Variants in DIPK1C observed in about 807,000 individuals in gnomAD.
The protein encoded by DIPK1C is familial non-conventional Alzheimer's dementia.
In DIPK1C, 33 loss-of-function variants were observed where a neutral mutation model predicts 28.0. That is an observed-to-expected ratio of 1.18 (90% CI 0.89 to 1.58). The LOEUF is 1.58. DIPK1C is among the 40% of genes most tolerant of loss of function. The probability of loss-of-function intolerance (pLI) is 0.00; values close to 1 mark genes in which losing one functional copy is unlikely to be tolerated. For missense variants in DIPK1C, 569 were observed against 568.5 expected (o/e 1.00, Z -0.01); for synonymous variants, 255 against 248.8 (o/e 1.02, Z -0.23).
At chr18:74,459,434 T>C (rs1986583741), upstream of DIPK1C, among the ~76,000 whole-genome samples, 1 of 152,236 alleles carries the variant, frequency 6.6e-6, no homozygotes, top group South Asian at 2.1e-4. Flanking sequence ...CAGCACTGTT[T>C]TAACACGGAA....
rs1006068675 is a variant in DIPK1C at position 74,435,313 on chromosome 18, A to C, written c.*1188T>G. 1 of 152,230 alleles carries C rather than the reference A, an allele frequency of 6.6e-6. No individual in the cohort carries two copies. Among genetic ancestry groups the C allele is most frequent in the Non-Finnish European group, 1.5e-5 (1 of 68,050 alleles). The allele number at this position is 152,230 out of a possible 1,614,324, so 9.4% of individuals were successfully genotyped here. Reference sequence around the variant, plus strand: ...GGTTTGTTGAGCACTCGTGGGTCACAGTTATGGGTAGAAACCAGGTCCCTT... The same window carrying C: ...GGTTTGTTGAGCACTCGTGGGTCACCGTTATGGGTAGAAACCAGGTCCCTT... On this transcript the variant is annotated 3_prime_UTR_variant, in exon 4 of 4. Coordinates refer to ENST00000343998, the MANE Select transcript of DIPK1C (RefSeq NM_001044369.3).
intron 3 of DIPK1C, among the ~76,000 whole-genome samples, chr18:74,439,552 A>G (rs781305610): frequency 6.6e-6 from 1 of 152,244 alleles, no homozygotes; most frequent in Non-Finnish European, 1.5e-5. Flanking sequence ...GTGGTAGCTC[A>G]AGCCTGTAAT....
In DIPK1C at chr18:74,447,617, G is replaced by A. The variant is rs777805884; in HGVS notation, c.199-334C>T. On this transcript the variant is annotated intron_variant, in intron 1 of 3. Coordinates refer to ENST00000343998, the MANE Select transcript of DIPK1C (RefSeq NM_001044369.3). This position sits in a 1 kb window ranked among gnomAD's most constrained non-coding sequence, Gnocchi z 4.1. The stretch of plus-strand genomic sequence containing the variant: ...GAGGCCAGGAAACCAACAGGTGAAG[G>A]GGCTGGACCAGGCCAGTAGCTCTCG... 1.4e-4 allele frequency among the ~76,000 whole-genome samples: 21 copies of A among 152,154 alleles called. No individual in the cohort carries two copies. The highest frequency in any genetic ancestry group is 2.4e-4 in the Non-Finnish European group (16 of 68,024).
chr18:74,457,281 G>GGCCCCACCGCCGCCCGC lies in DIPK1C; in HGVS notation c.-39_-23dup. ...CCATGGCCAGCCCTGCCCGCGCCCG[G>GGCCCCACCGCCGCCCGC]GCCCCACCGCCGCCCGCGCCCCGAG... On this transcript the variant is annotated 5_prime_UTR_variant, in exon 1 of 4. Transcript: ENST00000343998. 2 of 984,386 alleles carry GGCCCCACCGCCGCCCGC rather than the reference G, an allele frequency of 2.0e-6. No individual in the cohort carries two copies. Among genetic ancestry groups the GGCCCCACCGCCGCCCGC allele is most frequent in the Non-Finnish European group, 2.4e-6 (2 of 829,834 alleles). The allele number at this position is 984,386 out of a possible 1,614,324, so 61.0% of individuals were successfully genotyped here. A position where few individuals can be genotyped will look rare whatever the true frequency, so the allele number is the denominator to read the frequency against.
At chr18:74,451,789 C>T (rs1986403070) in intron 1 of DIPK1C, among the ~76,000 whole-genome samples, 1 of 152,182 alleles carries the variant, frequency 6.6e-6, no homozygotes, top group Admixed American at 6.5e-5. Flanking sequence ...CAGGTAAGGT[C>T]TTGGGTTTAT....
chr18:74,463,938 C>T, the DIPK1C span, among the ~76,000 whole-genome samples: 1 of 152,148 alleles, frequency 6.6e-6, no homozygotes, highest in African/African-American at 2.4e-5. Context: ...ATGTTCACAT[C>T]CAAAAAGCTA....
chr18:74,460,435 T>C (rs1006514041), upstream of DIPK1C, among the ~76,000 whole-genome samples: 2 of 152,264 alleles, frequency 1.3e-5, no homozygotes, highest in African/African-American at 4.8e-5. Context: ...AAAAGTGGTA[T>C]GAAAATGTTG....
rs767581441 is a variant in DIPK1C at position 74,446,915 on chromosome 18, G to A, written c.567C>T (p.Ala189=). 4.6e-5 allele frequency: 69 copies of A among 1,506,724 alleles called. No individual in the cohort carries two copies. In the African/African-American group the frequency reaches 8.8e-4, roughly 19 times the overall value. 93.3% of individuals were successfully genotyped at this position (1,506,724 alleles called of 1,614,324 possible). A position where few individuals can be genotyped will look rare whatever the true frequency, so the allele number is the denominator to read the frequency against. Residue 189 remains alanine, a synonymous_variant, in exon 2 of 4, where the codon GCC becomes GCT. Transcript: ENST00000343998. ...AGACGTACTCCTCCTGCTGCAGCAG[G>A]GCCCACAGGCTGGCCAGCTGTCCCC... ...RWRGQLASLW[A]LLQQEEYVYF...
upstream of DIPK1C, among the ~76,000 whole-genome samples, chr18:74,460,713 G>A (rs777309278): frequency 5.3e-5 from 8 of 152,128 alleles, no homozygotes; most frequent in Non-Finnish European, 1.2e-4. Flanking sequence ...TTATTGCTTC[G>A]TCTGCTGTGA....
upstream of DIPK1C, among the ~76,000 whole-genome samples, chr18:74,458,369 G>A (rs570094336): frequency 6.6e-6 from 1 of 152,144 alleles, no homozygotes; most frequent in African/African-American, 2.4e-5. Flanking sequence ...CACATGACCC[G>A]TTCCCGAGTT....
At chr18:74,456,512 G>C (rs1034707125) in intron 1 of DIPK1C, among the ~76,000 whole-genome samples, 2 of 152,222 alleles carry the variant, frequency 1.3e-5, no homozygotes, top group African/African-American at 2.4e-5. Flanking sequence ...CGACCGCGGA[G>C]AGCCTGGGCT....
intron 3 of DIPK1C, among the ~76,000 whole-genome samples, chr18:74,440,666 C>T (rs1032501087): frequency 8.5e-5 from 13 of 152,164 alleles, no homozygotes; most frequent in African/African-American, 3.1e-4. Context: ...TCCTCTTGCC[C>T]CTTAATGAAT....
At chr18:74,439,423 G>A (rs1295342621) in intron 3 of DIPK1C, among the ~76,000 whole-genome samples, 1 of 152,064 alleles carries the variant, frequency 6.6e-6, no homozygotes, top group South Asian at 2.1e-4. Context: ...CTAAATACCC[G>A]TATTTCATTA....
intron 3 of DIPK1C, among the ~76,000 whole-genome samples, chr18:74,437,190 G>T (rs1233023548): frequency 6.6e-6 from 1 of 152,150 alleles, no homozygotes; most frequent in Admixed American, 6.5e-5. Flanking sequence ...CATCTGACCG[G>T]GCTGTCCAGA....
chr18:74,457,579 C>T (rs1288266424), upstream of DIPK1C, among the ~76,000 whole-genome samples: 1 of 152,152 alleles, frequency 6.6e-6, no homozygotes, highest in Non-Finnish European at 1.5e-5. Context: ...GATTCAATCG[C>T]CTCTCTCTTT....
chr18:74,442,180 G>A (rs1986144422), intron 2 of DIPK1C, 64 bp from the exon 3 acceptor site: 1 of 1,585,676 alleles, frequency 6.3e-7, no homozygotes, highest in East Asian at 2.3e-5. Flanking sequence ...GAGGGAGCCT[G>A]TTCACAACTT....
upstream of DIPK1C, among the ~76,000 whole-genome samples, chr18:74,458,707 A>G (rs530413539): frequency 1.6e-5 from 2 of 122,196 alleles, no homozygotes; most frequent in Non-Finnish European, 3.5e-5. Context: ...CCCCACCTCC[A>G]TCCATCCCAG....
At chr18:74,442,484 A>C (rs1191187951) in intron 2 of DIPK1C, among the ~76,000 whole-genome samples, 1 of 151,932 alleles carries the variant, frequency 6.6e-6, no homozygotes, top group African/African-American at 2.4e-5. Flanking sequence ...GCCCACCACC[A>C]CACCCGGCTA....
chr18:74,457,403 TGGGG>T, upstream of DIPK1C: 1 of 567,420 alleles, frequency 1.8e-6, no homozygotes, highest in Non-Finnish European at 2.2e-6. Flanking sequence ...GCCCCGCGCC[TGGGG>T]CGGAGGTGCG....
Sources: gnomAD v4.1 joint callset for allele counts (sites outside exome capture counted in the v4.1 genomes callset) on GRCh38, gnomAD v4.1.1 for gene constraint, Gnocchi (gnomAD v3.1) non-coding constraint, MANE v1.5 for transcripts, NCBI Gene and HGNC (gene_info 2026-07-23, HGNC 2026-07-21) for gene names.